The following NOL4L variants were observed in gnomAD, a reference collection of about 807,000 sequenced individuals.
NOL4L encodes nucleolar protein 4 like.
A neutral mutation model predicts 64.5 loss-of-function variants in NOL4L; 7 were observed. The observed-to-expected ratio is 0.11, with a 90% CI of 0.06 to 0.20. The LOEUF is 0.20. Among genes scored for constraint, NOL4L ranks in the 10% least tolerant of loss-of-function variants. The pLI is 1.00. For missense variants in NOL4L, 680 were observed against 967.1 expected, an observed-to-expected ratio of 0.70 and a Z score of 3.94; for synonymous variants, 413 against 401.0, an observed-to-expected ratio of 1.03 and a Z score of -0.36.
intron 1 of NOL4L, among the ~76,000 whole-genome samples, chr20:32,576,872 A>G (rs1980144968): frequency 6.6e-6 from 1 of 152,180 alleles, no homozygotes; most frequent in South Asian, 2.1e-4. Context: ...TAGAAAGCTT[A>G]CGTGGGGTGC....
At chr20:32,580,960 G>T (rs1980431618) in intron 1 of NOL4L, among the ~76,000 whole-genome samples, 1 of 152,264 alleles carries the variant, frequency 6.6e-6, no homozygotes, top group African/African-American at 2.4e-5. Flanking sequence ...TGTGGCCAAT[G>T]CCGGAACGGA....
chr20:32,472,442 C>A (rs76278258), intron 5 of NOL4L, among the ~76,000 whole-genome samples: 5 of 152,170 alleles, frequency 3.3e-5, no homozygotes, highest in African/African-American at 1.2e-4. Flanking sequence ...AGGGCTAAAG[C>A]GGGTGCCTCT....
chr20:32,462,290 A>G (rs1249564746), intron 5 of NOL4L, among the ~76,000 whole-genome samples: 2 of 152,218 alleles, frequency 1.3e-5, no homozygotes, highest in Admixed American at 1.3e-4. Flanking sequence ...GCTCACACCA[A>G]TGGCTTGGTC....
intron 4 of NOL4L, among the ~76,000 whole-genome samples, chr20:32,480,558 T>A (rs1304704227): frequency 6.6e-6 from 1 of 152,160 alleles, no homozygotes; most frequent in Non-Finnish European, 1.5e-5. Flanking sequence ...TGGACACCTG[T>A]AGGCCCCTTC....
chr20:32,448,511 A>T (rs1288400965), intron 10 of NOL4L, among the ~76,000 whole-genome samples: 1 of 152,198 alleles, frequency 6.6e-6, no homozygotes, highest in Admixed American at 6.5e-5. Context: ...CAGCCAGTGG[A>T]TGGAGGAAGG....
chr20:32,489,498 G>C (rs2016367274), intron 4 of NOL4L, among the ~76,000 whole-genome samples: 1 of 151,966 alleles, frequency 6.6e-6, no homozygotes. Context: ...GGAATTACAG[G>C]CATGTGCCAC....
chr20:32,447,923 A>ACTT, intron 10 of NOL4L, 107 bp from the exon 11 acceptor site: 1 of 1,383,232 alleles, frequency 7.2e-7, no homozygotes, highest in Non-Finnish European at 9.6e-7. Context: ...GCCCACTGTG[A>ACTT]GTTGGGCACT....
At chr20:32,476,607 C>A (rs541540711) in intron 4 of NOL4L, among the ~76,000 whole-genome samples, 135 of 152,378 alleles carry the variant, frequency 8.9e-4, no homozygotes, top group Non-Finnish European at 1.6e-3. Flanking sequence ...GCCACCTACT[C>A]CAAACTCCCC....
intron 4 of NOL4L, among the ~76,000 whole-genome samples, chr20:32,483,111 C>G (rs981073161): frequency 6.7e-6 from 1 of 149,256 alleles, no homozygotes; most frequent in Non-Finnish European, 1.5e-5. Context: ...CATCGCCCCC[C>G]CTCCACTCTC....
chr20:32,537,667 C>A (rs1404972368), intron 1 of NOL4L, among the ~76,000 whole-genome samples: 1 of 152,198 alleles, frequency 6.6e-6, no homozygotes, highest in Non-Finnish European at 1.5e-5. Context: ...TTCCTTTCCT[C>A]AGTTCAGCCC....
intron 4 of NOL4L, among the ~76,000 whole-genome samples, chr20:32,477,676 A>G (rs1032741688): frequency 7.2e-5 from 11 of 152,244 alleles, no homozygotes; most frequent in African/African-American, 2.4e-5. Flanking sequence ...AATGGAGGGC[A>G]TATGAAGCCC....
In NOL4L at chr20:32,474,726, C is replaced by T; in HGVS notation, c.716G>A (p.Ser239Asn). ...GTCGCTCATATCAAAATCCTCGCTG[C>T]TCACAGAAGTCTCATCCTGAGCAGG... ...NSQEQDETSV[S>N]SEDFDMSDST... Residue 239 changes from serine (S) to asparagine (N), a missense_variant, in exon 5 of 11, where the codon AGC becomes AAC. Around this residue, in one of 4 missense-constraint regions of NOL4L, gnomAD observed 181 missense variants for 335.2 expected, o/e 0.54. Coordinates refer to ENST00000621426, the MANE Select transcript of NOL4L (RefSeq NM_001256798.2). 1 of 1,612,286 alleles carries T rather than the reference C, an allele frequency of 6.2e-7. No homozygotes were observed. Among genetic ancestry groups the T allele is most frequent in the Non-Finnish European group, 8.5e-7 (1 of 1,179,210 alleles).
At chr20:32,544,166 T>C (rs2018700538) in intron 1 of NOL4L, among the ~76,000 whole-genome samples, 1 of 151,548 alleles carries the variant, frequency 6.6e-6, no homozygotes, top group African/African-American at 2.4e-5. Flanking sequence ...TCGTGGAAAA[T>C]GGGCTATGGA....
At chr20:32,536,981 ACCTGCTGCGC>A (rs941515206) in intron 1 of NOL4L, 1 of 475,320 alleles carries the variant, frequency 2.1e-6, no homozygotes, top group Non-Finnish European at 2.7e-6. Context: ...CCCCACGCGC[ACCTGCTGCGC>A]GCGCGCCCGC....
intron 1 of NOL4L, chr20:32,535,569 G>A: frequency 1.0e-6 from 1 of 985,358 alleles, no homozygotes; most frequent in Non-Finnish European, 1.2e-6. Context: ...CTGCTTCGCT[G>A]AACCTCCATC....
Position 32,447,079 on chromosome 20 carries a change from T to C in NOL4L, c.*517A>G. 1 of 385,204 alleles carries C rather than the reference T, an allele frequency of 2.6e-6. No individual in the cohort carries two copies. The highest frequency in any genetic ancestry group is 5.1e-6 in the Non-Finnish European group (1 of 195,734). The allele number at this position is 385,204 out of a possible 1,614,324, so 23.9% of individuals were successfully genotyped here. ...CACATCAGTGTAGTGATATGGAATG[T>C]TAGGTATGGGGATACATCCTTCTGA... is the stretch of plus-strand genomic sequence containing the variant. On this transcript the variant is annotated 3_prime_UTR_variant, in exon 11 of 11. Transcript: ENST00000621426.
chr20:32,544,581 G>C (rs2018706932), intron 1 of NOL4L, among the ~76,000 whole-genome samples: 1 of 151,892 alleles, frequency 6.6e-6, no homozygotes, highest in African/African-American at 2.4e-5. Flanking sequence ...TAAAGGGGTG[G>C]GAGGTGGCAG....
At chr20:32,448,630 C>T (rs1568586334) in intron 10 of NOL4L, among the ~76,000 whole-genome samples, 1 of 152,252 alleles carries the variant, frequency 6.6e-6, no homozygotes, top group Non-Finnish European at 1.5e-5. Context: ...TGCTAGGATA[C>T]GAGGGAGTGT....
At chr20:32,536,374 G>A in intron 1 of NOL4L, 1 of 930,706 alleles carries the variant, frequency 1.1e-6, no homozygotes, top group Non-Finnish European at 1.3e-6. Flanking sequence ...CCAGGGCCGG[G>A]GGAAGAGGTG....
Sources: gnomAD v4.1 joint callset for allele counts (sites outside exome capture counted in the v4.1 genomes callset) on GRCh38, gnomAD v4.1.1 for gene constraint, gnomAD v4.1.1 regional missense constraint, MANE v1.5 for transcripts, NCBI Gene and HGNC (gene_info 2026-07-23, HGNC 2026-07-21) for gene names.